Variants in DDC observed in about 807,000 individuals in gnomAD.
The protein encoded by DDC is aromatic-L-amino-acid decarboxylase.
A neutral mutation model predicts 60.0 loss-of-function variants in DDC; 43 were observed. The ratio of observed to expected loss-of-function variants is 0.72; its 90% CI spans 0.56 to 0.92. DDC has a LOEUF of 0.92. DDC is among the 40% of genes least tolerant of loss of function. DDC has a pLI of 0.00. For synonymous variants in DDC, 232 were observed against 234.6 expected, an observed-to-expected ratio of 0.99 and a Z score of 0.10; for missense variants, 573 against 620.2, an observed-to-expected ratio of 0.92 and a Z score of 0.81.
At chr7:50,471,356 G>A (rs2042526373) in intron 11 of DDC, among the ~76,000 whole-genome samples, 1 of 152,136 alleles carries the variant, frequency 6.6e-6, no homozygotes, top group Admixed American at 6.5e-5. Flanking sequence ...CTCAAGCCTG[G>A]GCAATAGAGT....
intron 4 of DDC, among the ~76,000 whole-genome samples, chr7:50,533,543 C>G (rs1487534439): frequency 6.6e-6 from 1 of 152,166 alleles, no homozygotes; most frequent in Non-Finnish European, 1.5e-5. Flanking sequence ...GATCCACCCG[C>G]CTTGGCCTCC....
At chr7:50,534,029 A>G (rs2044307177) in intron 4 of DDC, among the ~76,000 whole-genome samples, 3 of 152,254 alleles carry the variant, frequency 2.0e-5, no homozygotes, top group Admixed American at 2.0e-4. Context: ...TGCAAGCACA[A>G]TGCTGAAAAC....
intron 6 of DDC, among the ~76,000 whole-genome samples, chr7:50,521,553 A>T (rs1580031): frequency 0.089 from 13,512 of 152,236 alleles, 947 homozygotes; most frequent in South Asian, 0.14. Context: ...TGTAAAAAAA[A>T]TTATATATCA....
intron 1 of DDC, among the ~76,000 whole-genome samples, chr7:50,544,728 A>G (rs1247033528): frequency 3.3e-5 from 5 of 152,144 alleles, no homozygotes; most frequent in African/African-American, 1.2e-4. Flanking sequence ...GGCAATTCTC[A>G]TTATTGCTGG....
At chr7:50,535,287 T>C (rs1024960434) in intron 4 of DDC, among the ~76,000 whole-genome samples, 1 of 152,008 alleles carries the variant, frequency 6.6e-6, no homozygotes, top group African/African-American at 2.4e-5. Flanking sequence ...GCTGGGATTA[T>C]AGGTGCCCGC....
chr7:50,492,845 G>C (rs2043032308), intron 9 of DDC: 1 of 1,547,030 alleles, frequency 6.5e-7, no homozygotes, highest in African/African-American at 1.4e-5. Context: ...TGAGCGCACA[G>C]CCGCCAACTT....
intron 4 of DDC, among the ~76,000 whole-genome samples, chr7:50,533,157 A>G (rs1356275977): frequency 1.3e-5 from 2 of 152,244 alleles, no homozygotes; most frequent in East Asian, 1.9e-4. Context: ...CAGAAAATCC[A>G]TATGCGTAGT....
chr7:50,513,083 G>A (rs772720174), intron 6 of DDC, among the ~76,000 whole-genome samples: 2 of 152,148 alleles, frequency 1.3e-5, no homozygotes, highest in African/African-American at 2.4e-5. Context: ...CAGCAATCCC[G>A]AGAGGACCCA....
chr7:50,544,945 G>T (rs2153550762), intron 1 of DDC, among the ~76,000 whole-genome samples: 2 of 152,256 alleles, frequency 1.3e-5, no homozygotes. Context: ...ACAGCCAACA[G>T]CACTGTAACT....
intron 11 of DDC, among the ~76,000 whole-genome samples, chr7:50,472,268 C>G (rs1562984778): frequency 6.6e-6 from 1 of 152,122 alleles, no homozygotes; most frequent in Non-Finnish European, 1.5e-5. Flanking sequence ...CGCGGCCAGC[C>G]CACATTTTGT....
At chr7:50,548,875 G>C (rs2044890826) in intron 1 of DDC, among the ~76,000 whole-genome samples, 1 of 152,184 alleles carries the variant, frequency 6.6e-6, no homozygotes, top group South Asian at 2.1e-4. Flanking sequence ...CAAAGTACAG[G>C]CTGACTCTCA....
chr7:50,484,071 T>C (rs2042829676), intron 9 of DDC, among the ~76,000 whole-genome samples: 1 of 152,246 alleles, frequency 6.6e-6, no homozygotes, highest in Non-Finnish European at 1.5e-5. Context: ...GGGCAATTCT[T>C]GGCATGATGT....
Position 50,543,983 on chromosome 7 carries a change from G to A in DDC, c.103C>T (p.Pro35Ser), listed in dbSNP as rs762044255. 1 of 1,614,118 alleles carries A rather than the reference G, an allele frequency of 6.2e-7. No individual in the cohort carries two copies. Among genetic ancestry groups the A allele is most frequent in the East Asian group, 2.2e-5 (1 of 44,878 alleles). The change falls in exon 2 of 15, where the codon CCC (proline) becomes TCC (serine). Residue 35 changes from proline (P) to serine (S), a missense_variant. Physicochemically the swap from Pro to Ser is moderately conservative, Grantham distance 74 (BLOSUM62 -1). Coordinates refer to ENST00000444124, the MANE Select transcript of DDC (RefSeq NM_001082971.2). ...EGRQVYPDVEPGYLRPLIPAA... is the reference protein window; with the variant it reads ...EGRQVYPDVESGYLRPLIPAA... ...GGGATCAGCGGCCGCAGGTACCCGG[G>A]CTCCACGTCAGGGTAGACCTGGCGT...
At chr7:50,564,433 T>A (rs950862624) in intron 1 of DDC, 1 of 152,260 alleles carries the variant, frequency 6.6e-6, no homozygotes, top group Non-Finnish European at 1.5e-5. Flanking sequence ...CCTCTGGCTG[T>A]TTGCTCACTT....
intron 6 of DDC, among the ~76,000 whole-genome samples, chr7:50,526,155 C>T (rs904228652): frequency 3.9e-5 from 6 of 152,020 alleles, no homozygotes; most frequent in Admixed American, 2.0e-4. Context: ...AAAACAAAGA[C>T]AAAAAGCAAG....
chr7:50,552,408 C>A (rs763410730), intron 1 of DDC, among the ~76,000 whole-genome samples: 6 of 152,204 alleles, frequency 3.9e-5, no homozygotes, highest in African/African-American at 1.2e-4. Flanking sequence ...CTCCATGCTG[C>A]GCTATTCTCC....
At chr7:50,544,176 C>G in intron 1 of DDC, 63 bp from the exon 2 acceptor site, 2 of 1,295,762 alleles carry the variant, frequency 1.5e-6, no homozygotes, top group Non-Finnish European at 2.2e-6. Context: ...GGCGGGGATA[C>G]CAAGCAAGCC....
intron 14 of DDC, chr7:50,459,726 AC>A: frequency 6.2e-6 from 1 of 160,922 alleles, no homozygotes; most frequent in Non-Finnish European, 1.3e-5. Flanking sequence ...CCTGGCAACC[AC>A]CCCGTCTGGG....
intron 1 of DDC, among the ~76,000 whole-genome samples, chr7:50,554,122 T>C (rs2045103419): frequency 6.6e-6 from 1 of 152,158 alleles, no homozygotes. Context: ...GAGTCACTGC[T>C]TTCAGTTACT....
Sources: allele counts gnomAD v4.1 joint callset (sites outside exome capture counted in the v4.1 genomes callset), GRCh38; gene constraint gnomAD v4.1.1; transcripts MANE v1.5; gene names NCBI Gene and HGNC (gene_info 2026-07-23, HGNC 2026-07-21).